SSUH2: variants seen among roughly 807,000 people sequenced by gnomAD.
The protein encoded by SSUH2 is ssu-2 homolog.
In SSUH2, 47 loss-of-function variants were observed where a neutral mutation model predicts 55.3. The observed-to-expected ratio is 0.85, with a 90% CI of 0.67 to 1.08. The LOEUF (loss-of-function observed/expected upper bound fraction) is 1.08. Among genes scored for constraint, SSUH2 ranks in the 50% least tolerant of loss-of-function variants. The pLI is 0.00. For synonymous variants in SSUH2, 212 were observed against 191.5 expected (o/e 1.11, Z -0.89); for missense variants, 535 against 490.7 (o/e 1.09, Z -0.85).
chr3:8,653,514 T>C (rs1702639157), intron 7 of SSUH2, among the ~76,000 whole-genome samples: 1 of 152,242 alleles, frequency 6.6e-6, no homozygotes, highest in Non-Finnish European at 1.5e-5. Context: ...ACAATATGGA[T>C]ATCTTTCTGT....
At position 8,681,211 on chromosome 3, in the gene SSUH2, T is replaced by TC. The variant is rs1393930490; in HGVS notation, c.-1046+679dup. On this transcript the variant is annotated intron_variant, in intron 1 of 18. Coordinates refer to the SSUH2 transcript ENST00000317371. ...GCGGGGAATGAGAGCCAGCCCCTCTTCCCCCCCTGGCTCTCAGGACCCCCA... is the reference window on the plus strand; with the variant it reads ...GCGGGGAATGAGAGCCAGCCCCTCTTCCCCCCCCTGGCTCTCAGGACCCCCA... 6.6e-4 allele frequency among the ~76,000 whole-genome samples: 90 copies of TC among 136,894 alleles called. 1 individual carries two copies. The highest frequency in any genetic ancestry group is 2.4e-3 in the African/African-American group (85 of 35,512). 89.8% of individuals were successfully genotyped at this position (136,894 alleles called of 152,430 possible).
At chr3:8,645,243 T>A (rs1436587920), upstream of SSUH2, among the ~76,000 whole-genome samples, 4 of 152,304 alleles carry the variant, frequency 2.6e-5, no homozygotes, top group East Asian at 7.7e-4. Context: ...ATACTCAGCC[T>A]GGGCAGGGCC....
At chr3:8,644,911 A>T (rs886797820), upstream of SSUH2, 3 of 708,366 alleles carry the variant, frequency 4.2e-6, no homozygotes, top group Non-Finnish European at 7.5e-6. Flanking sequence ...CGTTCATCAT[A>T]GCAGCTGCTC....
chr3:8,635,975 C>A, intron 1 of SSUH2, 118 bp from the exon 2 acceptor site: 1 of 811,918 alleles, frequency 1.2e-6, no homozygotes, highest in Non-Finnish European at 1.9e-6. Context: ...TTTAAGCCAG[C>A]CTCACTCTGG....
At chr3:8,629,826 C>T in intron 6 of SSUH2, 100 bp from the exon 7 acceptor site, 3 of 1,146,584 alleles carry the variant, frequency 2.6e-6, no homozygotes, top group East Asian at 2.4e-5. Flanking sequence ...GGATCAGGAC[C>T]AGGATAGGAA....
At chr3:8,663,829 C>T (rs1053711566) in intron 5 of SSUH2, 10 of 456,494 alleles carry the variant, frequency 2.2e-5, no homozygotes, top group African/African-American at 1.4e-4. Flanking sequence ...GATAAATTTA[C>T]GGAAAAATTC....
In SSUH2 at chr3:8,623,573, G is replaced by A; in HGVS notation, c.957C>T (p.Ala319=). Residue 319 remains alanine (A), a synonymous_variant, in exon 11 of 12, where the codon GCC becomes GCT. Transcript: ENST00000544814. ...RGIAEHSAAL[A]SRARVLQQRQ... ...CCTGCTGCAGGACGCGGGCACGGGAGGCCAAGGCAGCGCTGTGCTCTGCAA... is the reference window on the plus strand; with the variant it reads ...CCTGCTGCAGGACGCGGGCACGGGAAGCCAAGGCAGCGCTGTGCTCTGCAA... The A allele has an allele frequency of 6.4e-7, 1 of 1,550,842 alleles. No individual in the cohort carries two copies. Among genetic ancestry groups the A allele is most frequent in the Non-Finnish European group, 8.7e-7 (1 of 1,146,372 alleles).
rs1277362012 is a variant in SSUH2 at position 8,644,624 on chromosome 3, A to G, written c.28+107T>C. 34 of 991,510 alleles carry G rather than the reference A, an allele frequency of 3.4e-5. 2 individuals carry two copies. The South Asian group carries it at 4.3e-4, about 12-fold the overall frequency. 61.4% of individuals were successfully genotyped at this position (991,510 alleles called of 1,614,324 possible). On this transcript the variant is annotated intron_variant, in intron 1 of 11. Coordinates refer to ENST00000544814, the MANE Select transcript of SSUH2 (RefSeq NM_001256748.3). ...GCTACAGAGCTTATTAGAAAAGACT[A>G]TGGATACATAACTTCCAACATATTA...
rs757683285 is a variant in SSUH2 at position 8,632,120 on chromosome 3, A to G, written c.340-11T>C. On this transcript the variant is annotated splice_polypyrimidine_tract_variant and intron_variant, in intron 4 of 11. Coordinates refer to ENST00000544814, the MANE Select transcript of SSUH2 (RefSeq NM_001256748.3). ...GGTCTCCAGACGGTACTAAAAGGAA[A>G]AAAACAGCATGTTCACACTCGTGCC... 1.2e-6 allele frequency: 2 copies of G among 1,612,614 alleles called. No homozygotes were observed. Among genetic ancestry groups the G allele is most frequent in the Non-Finnish European group, 1.7e-6 (2 of 1,178,738 alleles).
intron 6 of SSUH2, among the ~76,000 whole-genome samples, chr3:8,630,180 C>T (rs1698471321): frequency 6.6e-6 from 1 of 152,186 alleles, no homozygotes; most frequent in South Asian, 2.1e-4. Context: ...AGGAATAGAA[C>T]ACTTTCTCGA....
chr3:8,673,393 G>T (rs150558205), intron 3 of SSUH2, among the ~76,000 whole-genome samples: 1 of 152,008 alleles, frequency 6.6e-6, no homozygotes, highest in Non-Finnish European at 1.5e-5. Context: ...TGCAAAACGG[G>T]GATCCAAATG....
chr3:8,678,379 C>G (rs1705592276), intron 2 of SSUH2, among the ~76,000 whole-genome samples: 1 of 152,098 alleles, frequency 6.6e-6, no homozygotes, highest in Non-Finnish European at 1.5e-5. Context: ...CATCCTCTCC[C>G]TTTCAGGATA....
chr3:8,670,388 T>A (rs1163693410), intron 5 of SSUH2, among the ~76,000 whole-genome samples: 1 of 152,024 alleles, frequency 6.6e-6, no homozygotes, highest in East Asian at 1.9e-4. Flanking sequence ...TGTACACACA[T>A]GATGTACACC....
At position 8,638,807 on chromosome 3, in the gene SSUH2, C is replaced by T. The variant is rs183578475; in HGVS notation, c.29-2950G>A. Among the ~76,000 whole-genome samples, 571 of 152,286 alleles carry T rather than the reference C, an allele frequency of 3.7e-3. 5 individuals are homozygous for T. Among genetic ancestry groups the T allele is most frequent in the African/African-American group, 0.013 (544 of 41,560 alleles). ...AGTGAAAATATCAAGCATAGAAAGA[C>T]TGTCACAGCCCTGTCCCCTGGGATG... On this transcript the variant is annotated intron_variant, in intron 1 of 11. Coordinates refer to ENST00000544814, the MANE Select transcript of SSUH2 (RefSeq NM_001256748.3).
intron 2 of SSUH2, among the ~76,000 whole-genome samples, chr3:8,678,256 T>G (rs994885729): frequency 3.9e-5 from 6 of 152,078 alleles, no homozygotes; most frequent in Non-Finnish European, 8.8e-5. Context: ...CGGTGATATT[T>G]GGAGTAATAT....
chr3:8,670,998 C>G, exon 5 of SSUH2: 1 of 417,300 alleles, frequency 2.4e-6, no homozygotes. Context: ...GAGAATGTAC[C>G]TGCATTGGGA....
intron 6 of SSUH2, chr3:8,663,736 G>A (rs993944259): frequency 8.2e-5 from 37 of 452,754 alleles, no homozygotes; most frequent in Non-Finnish European, 1.5e-4. Flanking sequence ...GTCCATAGAC[G>A]CTCTTACCTT....
At chr3:8,620,825 C>G (rs955305454) in intron 11 of SSUH2, among the ~76,000 whole-genome samples, 1 of 152,190 alleles carries the variant, frequency 6.6e-6, no homozygotes, top group Non-Finnish European at 1.5e-5. Flanking sequence ...ACATTTGAAT[C>G]AAATTTTAAG....
Position 8,619,740 on chromosome 3 carries a change from T to C in SSUH2, c.*128A>G. ...GAGCTTGATAGATGATAAGCTGGTTTTTCTGGAAGGACATGCCAGGGTTTG... is the reference window on the plus strand; with the variant it reads ...GAGCTTGATAGATGATAAGCTGGTTCTTCTGGAAGGACATGCCAGGGTTTG... On this transcript the variant is annotated 3_prime_UTR_variant, in exon 12 of 12. Transcript: ENST00000544814. 8.7e-7 allele frequency: 1 copy of C among 1,148,256 alleles called. No homozygotes were observed. Among genetic ancestry groups the C allele is most frequent in the Non-Finnish European group, 1.2e-6 (1 of 818,530 alleles). The allele number at this position is 1,148,256 out of a possible 1,614,324, so 71.1% of individuals were successfully genotyped here.
Sources: gnomAD v4.1 joint callset for allele counts (sites outside exome capture counted in the v4.1 genomes callset) on GRCh38, gnomAD v4.1.1 for gene constraint, MANE v1.5 for transcripts, NCBI Gene and HGNC (gene_info 2026-07-23, HGNC 2026-07-21) for gene names.